ODF4: variants seen among roughly 807,000 people sequenced by gnomAD.
ODF4 encodes the protein outer dense fiber of sperm tails 4, also known as outer dense fiber protein 4.
ODF4 carries 11 observed loss-of-function variants against 17.0 expected under a neutral mutation model. The ratio of observed to expected loss-of-function variants is 0.65; its 90% confidence interval spans 0.41 to 1.07. The LOEUF (loss-of-function observed/expected upper bound fraction) is 1.07, where lower values mean the gene tolerates loss of function less well. Ranked by LOEUF, ODF4 falls within the 50% of genes least tolerant of loss-of-function variation. The pLI is 0.00. For missense variants in ODF4, 281 were observed against 310.2 expected, an observed-to-expected ratio of 0.91 and a Z score of 0.71; for synonymous variants, 127 against 121.8, an observed-to-expected ratio of 1.04 and a Z score of -0.28.
chr17:8,341,864 T>C (rs1298454811), intron 1 of ODF4, among the ~76,000 whole-genome samples: 1 of 152,166 alleles, frequency 6.6e-6, no homozygotes, highest in East Asian at 1.9e-4. Flanking sequence ...TATAATGAAT[T>C]ATGAAAGCAT....
In ODF4 at chr17:8,345,187, C is replaced by G. The variant is rs894236031; in HGVS notation, c.455-156C>G. 9 of 821,796 alleles carry G rather than the reference C, an allele frequency of 1.1e-5. No individual in the cohort carries two copies. Among genetic ancestry groups the G allele is most frequent in the Non-Finnish European group, 1.7e-5 (9 of 523,412 alleles). 50.9% of individuals were successfully genotyped at this position (821,796 alleles called of 1,614,324 possible). ...ATCGAGTTACATCATTTCTTGGTCA[C>G]AGGAGAGGTAGAAATGCAGGGGTTG... On this transcript the variant is annotated intron_variant, in intron 1 of 2. Transcript: ENST00000328248. The surrounding 1 kb of genome is among the most constrained non-coding windows in gnomAD (Gnocchi z 4.1).
In ODF4 at chr17:8,343,415, G is replaced by A. The variant is rs1162228785; in HGVS notation, c.455-1928G>A. Among the ~76,000 whole-genome samples the A allele has an allele frequency of 2.4e-5, 3 of 127,256 alleles. 1 individual carries two copies. Among genetic ancestry groups the A allele is most frequent in the African/African-American group, 9.8e-5 (3 of 30,660 alleles). 83.5% of individuals were successfully genotyped at this position (127,256 alleles called of 152,430 possible). A position where few individuals can be genotyped will look rare whatever the true frequency, so the allele number is the denominator to read the frequency against. ...CTCAAAGTACTGGGATTATAGGCGTGAGCCAGCACACCCAGCCGACATATT... is the reference window on the plus strand; with the variant it reads ...CTCAAAGTACTGGGATTATAGGCGTAAGCCAGCACACCCAGCCGACATATT... On this transcript the variant is annotated intron_variant, in intron 1 of 2. Coordinates refer to ENST00000328248, the MANE Select transcript of ODF4 (RefSeq NM_153007.5).
intron 1 of ODF4, among the ~76,000 whole-genome samples, chr17:8,341,843 G>T (rs1199086938): frequency 6.6e-6 from 1 of 151,930 alleles, no homozygotes; most frequent in Non-Finnish European, 1.5e-5. Flanking sequence ...ATATGAATAT[G>T]AAAATATTCA....
At position 8,345,529 on chromosome 17, in the gene ODF4, C is replaced by A. The variant is rs757503872; in HGVS notation, c.589+52C>A. ...AGGAAGCGACATGGGTAGGGTAGGG[C>A]AGGGAAAGTGTGGAGGGAAGAGGCT... On this transcript the variant is annotated intron_variant, in intron 2 of 2. Coordinates refer to ENST00000328248, the MANE Select transcript of ODF4 (RefSeq NM_153007.5). This position sits in a 1 kb window ranked among gnomAD's most constrained non-coding sequence, Gnocchi z 4.1. The A allele has an allele frequency of 6.3e-7, 1 of 1,596,876 alleles. No homozygotes were observed. Among genetic ancestry groups the A allele is most frequent in the East Asian group, 2.2e-5 (1 of 44,784 alleles).
rs1906184376 is a variant in ODF4, at chr17:8,345,164, C to G, written c.455-179C>G. ...GTGGTGGGAGAACAGAACCGAGAATCGAGTTACATCATTTCTTGGTCACAG... is the reference window on the plus strand; with the variant it reads ...GTGGTGGGAGAACAGAACCGAGAATGGAGTTACATCATTTCTTGGTCACAG... On this transcript the variant is annotated intron_variant, in intron 1 of 2. Coordinates refer to ENST00000328248, the MANE Select transcript of ODF4 (RefSeq NM_153007.5). The surrounding 1 kb of genome is among the most constrained non-coding windows in gnomAD (Gnocchi z 4.1). 2.5e-6 allele frequency: 2 copies of G among 788,298 alleles called. No individual in the cohort carries two copies. The highest frequency in any genetic ancestry group is 4.0e-6 in the Non-Finnish European group (2 of 499,948). 48.8% of individuals were successfully genotyped at this position (788,298 alleles called of 1,614,324 possible). A position where few individuals can be genotyped will look rare whatever the true frequency, so the allele number is the denominator to read the frequency against.
At position 8,345,983 on chromosome 17, in the gene ODF4, G is replaced by A. The variant is rs1906233336; in HGVS notation, c.*131G>A. The A allele has an allele frequency of 3.0e-6, 2 of 666,070 alleles. No individual in the cohort carries two copies. The highest frequency in any genetic ancestry group is 1.8e-5 in the African/African-American group (1 of 55,460). The allele number at this position is 666,070 out of a possible 1,614,324, so 41.3% of individuals were successfully genotyped here. A position where few individuals can be genotyped will look rare whatever the true frequency, so the allele number is the denominator to read the frequency against. On this transcript the variant is annotated 3_prime_UTR_variant, in exon 3 of 3. Coordinates refer to ENST00000328248, the MANE Select transcript of ODF4 (RefSeq NM_153007.5). This position sits in a 1 kb window ranked among gnomAD's most constrained non-coding sequence, Gnocchi z 4.1. ...GAAAGGGAGGATTTTGCACTCCTCT[G>A]CTTTCTCCCTGCCTTGATTGAGCTT... is the stretch of plus-strand genomic sequence containing the variant.
chr17:8,342,615 A>G (rs1906069479), intron 1 of ODF4, among the ~76,000 whole-genome samples: 1 of 152,224 alleles, frequency 6.6e-6, no homozygotes, highest in Non-Finnish European at 1.5e-5. Flanking sequence ...TGAAAATTCA[A>G]AGAATACAAA....
At chr17:8,341,759 T>A (rs570068734) in intron 1 of ODF4, among the ~76,000 whole-genome samples, 5 of 138,318 alleles carry the variant, frequency 3.6e-5, no homozygotes, top group Middle Eastern at 7.1e-3. Context: ...TGACCCTTAT[T>A]TCCATTTTTT....
chr17:8,345,176 T>G lies in ODF4; in HGVS notation c.455-167T>G. 1.2e-6 allele frequency: 1 copy of G among 804,900 alleles called. No individual in the cohort carries two copies. The highest frequency in any genetic ancestry group is 2.0e-6 in the Non-Finnish European group (1 of 511,302). The allele number at this position is 804,900 out of a possible 1,614,324, so 49.9% of individuals were successfully genotyped here. ...CAGAACCGAGAATCGAGTTACATCA[T>G]TTCTTGGTCACAGGAGAGGTAGAAA... On this transcript the variant is annotated intron_variant, in intron 1 of 2. Coordinates refer to ENST00000328248, the MANE Select transcript of ODF4 (RefSeq NM_153007.5). This position sits in a 1 kb window ranked among gnomAD's most constrained non-coding sequence, Gnocchi z 4.1.
rs1906192878 is a variant in ODF4 at position 8,345,370 on chromosome 17, T to G, written c.482T>G (p.Leu161Arg). Residue 161 changes from leucine to arginine, a missense_variant, in exon 2 of 3, where the codon CTA (leucine) becomes CGA (arginine). Transcript: ENST00000328248. The surrounding 1 kb of genome is among the most constrained non-coding windows in gnomAD (Gnocchi z 4.1). ...KVTFIFSTLM[L>R]FPINIWIFEL... ...ACCTTCATCTTCTCCACCCTCATGC[T>G]ATTCCCCATTAACATCTGGATCTTC... The G allele has an allele frequency of 6.2e-7, 1 of 1,613,766 alleles. No individual in the cohort carries two copies. The highest frequency in any genetic ancestry group is 1.3e-5 in the African/African-American group (1 of 74,924).
chr17:8,342,895 C>CT lies in ODF4; in HGVS notation c.454+2402dup, dbSNP rs1192795624. Reference sequence around the variant, plus strand: ...CCACAGATGCCACCATGCCTGGCTACTTTTTTTTTTTTAATTTGTAGAGAC... The same window carrying CT: ...CCACAGATGCCACCATGCCTGGCTACTTTTTTTTTTTTTAATTTGTAGAGAC... On this transcript the variant is annotated intron_variant, in intron 1 of 2. Coordinates refer to ENST00000328248, the MANE Select transcript of ODF4 (RefSeq NM_153007.5). 4.1e-4 allele frequency among the ~76,000 whole-genome samples: 59 copies of CT among 145,256 alleles called. 1 individual carries two copies. Among genetic ancestry groups the CT allele is most frequent in the South Asian group, 1.3e-3 (6 of 4,554 alleles).
chr17:8,345,615 C>A lies in ODF4; in HGVS notation c.590-53C>A. On this transcript the variant is annotated intron_variant, in intron 2 of 2. Coordinates refer to ENST00000328248, the MANE Select transcript of ODF4 (RefSeq NM_153007.5). The surrounding 1 kb of genome is among the most constrained non-coding windows in gnomAD (Gnocchi z 4.1). Reference sequence around the variant, plus strand: ...TTCCCTTTGGTCTCACCCTACTTGTCACTTAACCTCCCAGTCACAACTTTC... The same window carrying A: ...TTCCCTTTGGTCTCACCCTACTTGTAACTTAACCTCCCAGTCACAACTTTC... 6.4e-7 allele frequency: 1 copy of A among 1,557,894 alleles called. No individual in the cohort carries two copies. The highest frequency in any genetic ancestry group is 8.8e-7 in the Non-Finnish European group (1 of 1,133,050).
chr17:8,344,847 T>C, intron 1 of ODF4: 2 of 984,852 alleles, frequency 2.0e-6, no homozygotes, highest in African/African-American at 3.5e-5. Context: ...CCTTAGTTGA[T>C]CTTGTTTGTT....
chr17:8,340,049 A>C lies in ODF4; in HGVS notation c.-3A>C. 6.6e-7 allele frequency: 1 copy of C among 1,509,940 alleles called. No homozygotes were observed. The highest frequency in any genetic ancestry group is 2.3e-5 in the East Asian group (1 of 43,908). The allele number at this position is 1,509,940 out of a possible 1,614,324, so 93.5% of individuals were successfully genotyped here. On this transcript the variant is annotated 5_prime_UTR_variant, in exon 1 of 3. Coordinates refer to ENST00000328248, the MANE Select transcript of ODF4 (RefSeq NM_153007.5). The stretch of plus-strand genomic sequence containing the variant: ...GGAGACAGAGGGTGAAGTGGTGCTC[A>C]AGATGGATGCAGAGTACTCTGGGAA...
intron 1 of ODF4, among the ~76,000 whole-genome samples, chr17:8,342,689 GTTTC>G (rs1489897731): frequency 6.6e-6 from 1 of 152,080 alleles, no homozygotes; most frequent in Non-Finnish European, 1.5e-5. Context: ...AGTTTCTCCT[GTTTC>G]TTTCCAGAGA....
At chr17:8,344,088 A>C (rs2008274) in intron 1 of ODF4, among the ~76,000 whole-genome samples, 66,378 of 123,136 alleles carry the variant, frequency 0.54, 25,606 homozygotes, top group Admixed American at 0.68. Flanking sequence ...TGCACCCGAC[A>C]CCAATTGTAT....
At chr17:8,342,885 T>A (rs1431965539) in intron 1 of ODF4, among the ~76,000 whole-genome samples, 1 of 151,654 alleles carries the variant, frequency 6.6e-6, no homozygotes, top group East Asian at 1.9e-4. Context: ...GATGCCACCA[T>A]GCCTGGCTAC....
In ODF4 at chr17:8,345,464, A is replaced by T; in HGVS notation, c.576A>T (p.Leu192=). 1 of 1,614,066 alleles carries T rather than the reference A, an allele frequency of 6.2e-7. No individual in the cohort carries two copies. ...SYFIGWLVLI[L]YFTCAILCYF... ...TCATTGGTTGGCTGGTGCTTATCCT[A>T]TACTTCACCTGCGGTGAGTGGCCAG... Residue 192 remains leucine, a synonymous_variant, in exon 2 of 3, where the codon CTA becomes CTT. Transcript: ENST00000328248. This position sits in a 1 kb window ranked among gnomAD's most constrained non-coding sequence, Gnocchi z 4.1.
chr17:8,341,911 G>A (rs1906037187), intron 1 of ODF4, among the ~76,000 whole-genome samples: 1 of 151,864 alleles, frequency 6.6e-6, no homozygotes, highest in Non-Finnish European at 1.5e-5. Context: ...ATAAATTTGG[G>A]GAAACAAAAG....
Sources: gnomAD v4.1 joint callset for allele counts (sites outside exome capture counted in the v4.1 genomes callset) on GRCh38, gnomAD v4.1.1 for gene constraint, Gnocchi (gnomAD v3.1) non-coding constraint, MANE v1.5 for transcripts, NCBI Gene and HGNC (gene_info 2026-07-23, HGNC 2026-07-21) for gene names.